RASGEF1C: variants seen among roughly 807,000 people sequenced by gnomAD.
RASGEF1C encodes the protein RasGEF domain family member 1C, also known as ras-GEF domain-containing family member 1C.
A neutral mutation model predicts 58.1 loss-of-function variants in RASGEF1C; 27 were observed. The observed-to-expected ratio is 0.46, with a 90% confidence interval of 0.34 to 0.64. RASGEF1C has a LOEUF of 0.64. Ranked by LOEUF, RASGEF1C falls within the 30% of genes least tolerant of loss-of-function variation. RASGEF1C has a pLI of 0.01. For synonymous variants in RASGEF1C, 243 were observed against 246.3 expected (o/e 0.99, Z 0.13); for missense variants, 502 against 605.1 (o/e 0.83, Z 1.79).
chr5:180,130,067 A>G (rs1185198971), intron 4 of RASGEF1C, among the ~76,000 whole-genome samples: 2 of 152,142 alleles, frequency 1.3e-5, no homozygotes, highest in Non-Finnish European at 2.9e-5. Context: ...GTGTGCCCAG[A>G]GCAGGGCTGG....
intron 1 of RASGEF1C, among the ~76,000 whole-genome samples, chr5:180,139,830 C>G (rs1057378679): frequency 6.6e-6 from 1 of 152,180 alleles, no homozygotes; most frequent in African/African-American, 2.4e-5. Flanking sequence ...GCAGCTCAGC[C>G]TGATTCCACA....
At chr5:180,125,522 C>A (rs1242263460) in intron 6 of RASGEF1C, among the ~76,000 whole-genome samples, 1 of 152,230 alleles carries the variant, frequency 6.6e-6, no homozygotes, top group African/African-American at 2.4e-5. Flanking sequence ...GTGGTTCATG[C>A]CTGTAATCCC....
chr5:180,176,143 C>A (rs1050056709), intron 1 of RASGEF1C, among the ~76,000 whole-genome samples: 1 of 152,242 alleles, frequency 6.6e-6, no homozygotes, highest in African/African-American at 2.4e-5. Context: ...GGGTGGACTT[C>A]AGGACCTCCT....
chr5:180,126,145 C>T (rs1337984621), intron 6 of RASGEF1C, among the ~76,000 whole-genome samples: 8 of 152,108 alleles, frequency 5.3e-5, no homozygotes, highest in Admixed American at 3.3e-4. Flanking sequence ...CGGTAGCTCA[C>T]GCCTGTAATC....
intron 1 of RASGEF1C, among the ~76,000 whole-genome samples, chr5:180,172,734 C>T (rs932941849): frequency 1.6e-4 from 24 of 152,182 alleles, no homozygotes; most frequent in Non-Finnish European, 2.9e-4. Flanking sequence ...CCTCTGCCAC[C>T]TGCTCCCCAC....
At chr5:180,140,667 A>G (rs1205058854) in intron 1 of RASGEF1C, among the ~76,000 whole-genome samples, 1 of 152,164 alleles carries the variant, frequency 6.6e-6, no homozygotes, top group African/African-American at 2.4e-5. Flanking sequence ...GCATGAGGAC[A>G]GCTGGGGACA....
At chr5:180,189,289 CG>C (rs1318520790) in intron 1 of RASGEF1C, among the ~76,000 whole-genome samples, 1 of 152,106 alleles carries the variant, frequency 6.6e-6, no homozygotes, top group Non-Finnish European at 1.5e-5. Context: ...AAATTAAACA[CG>C]TAAGTAAGTG....
chr5:180,157,200 A>G (rs1027372047), intron 1 of RASGEF1C, among the ~76,000 whole-genome samples: 2 of 152,258 alleles, frequency 1.3e-5, no homozygotes, highest in Non-Finnish European at 2.9e-5. Flanking sequence ...ATGTCCACAT[A>G]AAAACCTACA....
rs1246982994 is a variant in RASGEF1C at position 180,209,078 on chromosome 5, T to G, written c.-57A>C. ...GGCCCGGCCCATGGGCAGCTCCCGG[T>G]GCGAGCCTCGGCGCCGCGGACCGGG... On this transcript the variant is annotated 5_prime_UTR_variant, in exon 1 of 14. Transcript: ENST00000361132. The G allele has an allele frequency of 7.2e-6, 1 of 139,462 alleles. No individual in the cohort carries two copies. The highest frequency in any genetic ancestry group is 1.6e-5 in the Non-Finnish European group (1 of 63,760). The allele number at this position is 139,462 out of a possible 1,614,324, so 8.6% of individuals were successfully genotyped here. A position where few individuals can be genotyped will look rare whatever the true frequency, so the allele number is the denominator to read the frequency against.
intron 1 of RASGEF1C, among the ~76,000 whole-genome samples, chr5:180,193,352 G>A (rs1266820237): frequency 6.6e-6 from 1 of 152,152 alleles, no homozygotes; most frequent in Non-Finnish European, 1.5e-5. Flanking sequence ...ACCGTGCCCG[G>A]CCTAAAATAT....
intron 4 of RASGEF1C, among the ~76,000 whole-genome samples, chr5:180,133,252 C>G (rs1042452425): frequency 6.6e-6 from 1 of 152,220 alleles, no homozygotes; most frequent in African/African-American, 2.4e-5. Flanking sequence ...CCCAGAACCA[C>G]GGTCATGGAG....
At position 180,197,475 on chromosome 5, in the gene RASGEF1C, T is replaced by C. The variant is rs905880208; in HGVS notation, c.-7+11553A>G. Among the ~76,000 whole-genome samples, 1 of 152,168 alleles carries C rather than the reference T, an allele frequency of 6.6e-6. No individual in the cohort carries two copies. Among genetic ancestry groups the C allele is most frequent in the Non-Finnish European group, 1.5e-5 (1 of 68,012 alleles). ...TGTGTTTATTGGGTGGTCCACGTGA[T>C]GGACAGATGGGAGGCTGTGAGCAGA... On this transcript the variant is annotated intron_variant, in intron 1 of 13. Coordinates refer to ENST00000361132, the MANE Select transcript of RASGEF1C (RefSeq NM_175062.4). The surrounding 1 kb of genome is among the most constrained non-coding windows in gnomAD (Gnocchi z 4.7).
chr5:180,181,979 G>A (rs911508479), intron 1 of RASGEF1C, among the ~76,000 whole-genome samples: 1 of 151,674 alleles, frequency 6.6e-6, no homozygotes, highest in African/African-American at 2.4e-5. Flanking sequence ...CGAGACGGGC[G>A]GATCACGAGG....
Position 180,127,645 on chromosome 5 carries a change from C to T in RASGEF1C, c.678G>A (p.Gln226=), listed in dbSNP as rs1257677419. The change falls in exon 6 of 14, where the codon CAG becomes CAA. Residue 226 remains glutamine (Q), a synonymous_variant. Transcript: ENST00000361132. ...CCAGAGGGTCCTTGTTCACAAAGGC[C>T]TGGACAAACTCCTCAGGCCCGATGT... ...LRHIGPEEFV[Q]AFVNKDPLAS... 6.2e-7 allele frequency: 1 copy of T among 1,613,284 alleles called. No homozygotes were observed. Among genetic ancestry groups the T allele is most frequent in the East Asian group, 2.2e-5 (1 of 44,840 alleles).
chr5:180,118,987 T>C, intron 8 of RASGEF1C, 121 bp from the exon 9 acceptor site: 1 of 900,052 alleles, frequency 1.1e-6, no homozygotes, highest in Admixed American at 2.0e-5. Flanking sequence ...GCCTGTCACA[T>C]GGTGGGTGGG....
chr5:180,116,829 G>T (rs1040386209), intron 10 of RASGEF1C, among the ~76,000 whole-genome samples: 2 of 152,256 alleles, frequency 1.3e-5, no homozygotes, highest in Non-Finnish European at 2.9e-5. Flanking sequence ...CACACCCACT[G>T]CCTGGGAACA....
At position 180,205,734 on chromosome 5, in the gene RASGEF1C, T is replaced by C. The variant is rs1012866767; in HGVS notation, c.-7+3294A>G. Among the ~76,000 whole-genome samples, 30 of 151,416 alleles carry C rather than the reference T, an allele frequency of 2.0e-4. 1 individual carries two copies. In the South Asian group the frequency reaches 6.3e-3, roughly 32 times the overall value. ...ATTATAATATTATTATTATTATTAT[T>C]ATTATTATTTTGAGACAGAGTCTCA... On this transcript the variant is annotated intron_variant, in intron 1 of 13. Transcript: ENST00000361132.
Position 180,137,722 on chromosome 5 carries a change from A to C in RASGEF1C, c.178-10T>G, listed in dbSNP as rs769440987. 3 of 1,612,910 alleles carry C rather than the reference A, an allele frequency of 1.9e-6. No individual in the cohort carries two copies. In the South Asian group the frequency reaches 3.3e-5, roughly 18 times the overall value. On this transcript the variant is annotated splice_polypyrimidine_tract_variant and intron_variant, in intron 2 of 13. Coordinates refer to ENST00000361132, the MANE Select transcript of RASGEF1C (RefSeq NM_175062.4). The surrounding 1 kb of genome is among the most constrained non-coding windows in gnomAD (Gnocchi z 4.1). ...TGAAGATGTAGGCTTTCTGGGGGACACACGAGAAAGAGGGCACAGGCTCAG... is the reference window on the plus strand; with the variant it reads ...TGAAGATGTAGGCTTTCTGGGGGACCCACGAGAAAGAGGGCACAGGCTCAG...
At chr5:180,204,008 A>AGAC (rs1756447357) in intron 1 of RASGEF1C, among the ~76,000 whole-genome samples, 1 of 140,842 alleles carries the variant, frequency 7.1e-6, no homozygotes, top group East Asian at 2.3e-4. Context: ...ACAAACAAAC[A>AGAC]AACAACAACA....
Sources: gnomAD v4.1 joint callset for allele counts (sites outside exome capture counted in the v4.1 genomes callset) on GRCh38, gnomAD v4.1.1 for gene constraint, Gnocchi (gnomAD v3.1) non-coding constraint, MANE v1.5 for transcripts, NCBI Gene and HGNC (gene_info 2026-07-23, HGNC 2026-07-21) for gene names.